The following HOATZ variants were observed in gnomAD, a reference collection of about 807,000 sequenced individuals.
HOATZ encodes the protein cilia- and flagella-associated protein HOATZ.
A neutral mutation model predicts 24.9 loss-of-function variants in HOATZ; 26 were observed. The ratio of observed to expected loss-of-function variants is 1.04; its 90% CI spans 0.76 to 1.45. HOATZ has a LOEUF of 1.45. Among genes scored for constraint, HOATZ ranks in the 40% most tolerant of loss-of-function variants. HOATZ has a pLI of 0.00. For missense variants in HOATZ, 226 were observed against 201.5 expected, an observed-to-expected ratio of 1.12 and a Z score of -0.74; for synonymous variants, 83 against 76.6, an observed-to-expected ratio of 1.08 and a Z score of -0.43.
At chr11:111,524,118 T>G (rs1867304493) in intron 3 of HOATZ, among the ~76,000 whole-genome samples, 1 of 152,196 alleles carries the variant, frequency 6.6e-6, no homozygotes, top group South Asian at 2.1e-4. Flanking sequence ...AAATTCTGCA[T>G]GATAGCCCAG....
Position 111,517,371 on chromosome 11 carries a change from GT to G in HOATZ, c.339+1263del, listed in dbSNP as rs529476606. Among the ~76,000 whole-genome samples, 9 of 152,254 alleles carry G rather than the reference GT, an allele frequency of 5.9e-5. No homozygotes were observed. In the East Asian group the frequency reaches 1.5e-3, roughly 26 times the overall value. On this transcript the variant is annotated intron_variant, in intron 3 of 5. Transcript: ENST00000375618. ...TTTAGGAAAGGATTAGAAATAAAAG[GT>G]TAAAGACAAACTATTATAAATTTCT...
In HOATZ at chr11:111,536,769, G is replaced by A. The variant is rs1184786708; in HGVS notation, c.453-1G>A. 1.2e-6 allele frequency: 2 copies of A among 1,611,900 alleles called. No individual in the cohort carries two copies. Among genetic ancestry groups the A allele is most frequent in the Non-Finnish European group, 1.7e-6 (2 of 1,178,156 alleles). ...GAACTGACTGATATTACTACCAACAGGAAAGTGGTATCAGAGTCAGATAAA... is the reference window on the plus strand; with the variant it reads ...GAACTGACTGATATTACTACCAACAAGAAAGTGGTATCAGAGTCAGATAAA... On this transcript the variant is annotated splice_acceptor_variant, in intron 5 of 5. Transcript: ENST00000375618. LOFTEE classifies it high-confidence loss of function.
chr11:111,532,462 T>C (rs545183033), intron 3 of HOATZ, among the ~76,000 whole-genome samples: 3 of 152,210 alleles, frequency 2.0e-5, no homozygotes, highest in Non-Finnish European at 4.4e-5. Context: ...CCTAAGACAA[T>C]TGCCACGTGA....
chr11:111,515,481 A>C, intron 1 of HOATZ, 30 bp from the exon 2 acceptor site: 3 of 1,597,680 alleles, frequency 1.9e-6, no homozygotes, highest in Non-Finnish European at 2.6e-6. Flanking sequence ...TTTTCCAATG[A>C]TTTCTTTACT....
At chr11:111,531,998 TC>T (rs1867399039) in intron 3 of HOATZ, among the ~76,000 whole-genome samples, 1 of 152,102 alleles carries the variant, frequency 6.6e-6, no homozygotes, top group Non-Finnish European at 1.5e-5. Context: ...AAAGCTTTCT[TC>T]CCCATCTTGT....
intron 3 of HOATZ, among the ~76,000 whole-genome samples, chr11:111,522,050 G>C (rs1264867237): frequency 6.6e-6 from 1 of 152,056 alleles, no homozygotes; most frequent in Non-Finnish European, 1.5e-5. Flanking sequence ...CCCAGCCTCA[G>C]AGTTCCATAG....
intron 3 of HOATZ, among the ~76,000 whole-genome samples, chr11:111,532,556 G>C (rs1312885076): frequency 6.6e-6 from 1 of 152,204 alleles, no homozygotes; most frequent in Non-Finnish European, 1.5e-5. Flanking sequence ...CAGCTTGTCA[G>C]CAAACCACCA....
At chr11:111,527,176 G>A (rs771793674) in intron 3 of HOATZ, among the ~76,000 whole-genome samples, 3 of 152,048 alleles carry the variant, frequency 2.0e-5, no homozygotes, top group Non-Finnish European at 4.4e-5. Flanking sequence ...ATGCATGTAC[G>A]TTCTTCAGGC....
At chr11:111,521,238 G>GA (rs113283108) in intron 3 of HOATZ, among the ~76,000 whole-genome samples, 9,071 of 150,504 alleles carry the variant, frequency 0.06, 460 homozygotes, top group African/African-American at 0.13. Context: ...ATTCTCAGAA[G>GA]AAAAAAAAAC....
At chr11:111,528,828 G>A (rs866046810) in intron 3 of HOATZ, among the ~76,000 whole-genome samples, 3 of 152,144 alleles carry the variant, frequency 2.0e-5, no homozygotes, top group Non-Finnish European at 2.9e-5. Context: ...GTGTGTGCAT[G>A]TGTCTGAAGT....
intron 3 of HOATZ, among the ~76,000 whole-genome samples, chr11:111,531,123 C>A (rs112343300): frequency 0.016 from 2,425 of 152,322 alleles, 66 homozygotes; most frequent in African/African-American, 0.055. Flanking sequence ...GACAATATAA[C>A]TGGTCCATGA....
At chr11:111,515,417 C>A in intron 1 of HOATZ, 94 bp from the exon 2 acceptor site, 1 of 1,007,788 alleles carries the variant, frequency 9.9e-7, no homozygotes, top group Non-Finnish European at 1.6e-6. Flanking sequence ...GATGTGGAAA[C>A]TGTTATGCAA....
intron 3 of HOATZ, 140 bp downstream of exon 3, chr11:111,516,250 T>G: frequency 1.8e-6 from 1 of 547,270 alleles, no homozygotes; most frequent in South Asian, 3.1e-5. Flanking sequence ...TATTAGAATT[T>G]TAATTGAAAA....
chr11:111,532,301 C>G (rs555311145), intron 3 of HOATZ, among the ~76,000 whole-genome samples: 1 of 147,482 alleles, frequency 6.8e-6, no homozygotes, highest in Admixed American at 6.6e-5. Flanking sequence ...TGAAATACGC[C>G]CCCCCACATG....
At chr11:111,527,145 C>G (rs941146090) in intron 3 of HOATZ, among the ~76,000 whole-genome samples, 7 of 152,160 alleles carry the variant, frequency 4.6e-5, no homozygotes, top group Non-Finnish European at 1.0e-4. Context: ...TACTTCTGCT[C>G]TGCATGCATT....
Position 111,515,015 on chromosome 11 carries a change from G to A in HOATZ, c.226+5G>A, listed in dbSNP as rs1224700446. The A allele has an allele frequency of 7.5e-6, 12 of 1,606,024 alleles. No individual in the cohort carries two copies. In the Admixed American group the frequency reaches 2.0e-4, roughly 27 times the overall value. Reference sequence around the variant, plus strand: ...CCAGGAGGAGCAGAGGGTCTGGTGAGTAGAATAGCGGCCTCCTGTCAGTCA... The same window carrying A: ...CCAGGAGGAGCAGAGGGTCTGGTGAATAGAATAGCGGCCTCCTGTCAGTCA... On this transcript the variant is annotated splice_donor_5th_base_variant and intron_variant, in intron 1 of 5. Transcript: ENST00000375618.
chr11:111,527,645 C>T (rs1023966690), intron 3 of HOATZ, among the ~76,000 whole-genome samples: 2 of 152,154 alleles, frequency 1.3e-5, no homozygotes, highest in African/African-American at 4.8e-5. Context: ...AATTTGAGGT[C>T]CAACAGTTCT....
chr11:111,533,884 T>G (rs890466273), intron 4 of HOATZ, 79 bp downstream of exon 4: 1 of 1,028,302 alleles, frequency 9.7e-7, no homozygotes, highest in African/African-American at 1.7e-5. Flanking sequence ...TTTTATAGAT[T>G]GAACCCTTAA....
chr11:111,525,542 T>C (rs1867329739), intron 3 of HOATZ, among the ~76,000 whole-genome samples: 1 of 152,178 alleles, frequency 6.6e-6, no homozygotes. Flanking sequence ...CTACAGAATG[T>C]TGGCCAGAAG....
Sources: gnomAD v4.1 joint callset for allele counts (sites outside exome capture counted in the v4.1 genomes callset) on GRCh38, gnomAD v4.1.1 for gene constraint, MANE v1.5 for transcripts, NCBI Gene and HGNC (gene_info 2026-07-23, HGNC 2026-07-21) for gene names.